Variants in ZNF804B observed in about 807,000 individuals in gnomAD.
ZNF804B encodes the protein zinc finger 804B.
ZNF804B carries 80 observed loss-of-function variants against 101.4 expected under a neutral mutation model. That is an observed-to-expected ratio of 0.79 (90% CI 0.66 to 0.95). The LOEUF is 0.95. ZNF804B is among the 40% of genes least tolerant of loss of function. The probability of loss-of-function intolerance (pLI) is 0.00; values close to 1 mark genes in which losing one functional copy is unlikely to be tolerated. For synonymous variants in ZNF804B, 622 were observed against 558.8 expected (o/e 1.11, Z -1.59); for missense variants, 1,673 against 1,561.9 (o/e 1.07, Z -1.20).
Position 89,230,500 on chromosome 7 carries a change from T to C in ZNF804B, c.249+12205T>C, listed in dbSNP as rs551524241. On this transcript the variant is annotated intron_variant, in intron 2 of 3. Transcript: ENST00000333190. The stretch of plus-strand genomic sequence containing the variant: ...AACTAAAGTTGGTGAGCTAACACGA[T>C]CCAGTTTCAAAAAGTACTATAAAAC... 1.2e-3 allele frequency among the ~76,000 whole-genome samples: 185 copies of C among 152,200 alleles called. 1 individual carries two copies. The highest frequency in any genetic ancestry group is 4.1e-3 in the African/African-American group (171 of 41,554).
intron 1 of ZNF804B, among the ~76,000 whole-genome samples, chr7:89,092,129 G>T (rs1283705727): frequency 6.6e-6 from 1 of 151,386 alleles, no homozygotes; most frequent in African/African-American, 2.4e-5. Context: ...TCTGGTGAGG[G>T]CCCTTTTCCT....
intron 1 of ZNF804B, among the ~76,000 whole-genome samples, chr7:89,168,769 T>C (rs529742177): frequency 1.3e-5 from 2 of 149,700 alleles, no homozygotes; most frequent in East Asian, 3.9e-4. Flanking sequence ...AAACATATCC[T>C]TATTCATCAA....
chr7:88,883,081 AT>A (rs1462464203), intron 1 of ZNF804B, among the ~76,000 whole-genome samples: 1 of 152,116 alleles, frequency 6.6e-6, no homozygotes, highest in Non-Finnish European at 1.5e-5. Context: ...GAAGAAAAAA[AT>A]TTTAAAAAAA....
Position 89,335,247 on chromosome 7 carries a change from G to T in ZNF804B, c.2265G>T (p.Arg755=). The T allele has an allele frequency of 6.2e-7, 1 of 1,613,784 alleles. No individual in the cohort carries two copies. The highest frequency in any genetic ancestry group is 8.5e-7 in the Non-Finnish European group (1 of 1,179,928). Residue 755 remains arginine, a synonymous_variant, in exon 4 of 4, where the codon CGG becomes CGT. Coordinates refer to ENST00000333190, the MANE Select transcript of ZNF804B (RefSeq NM_181646.5). ...ACCACTCAGTTGAAAGGCACAAACG[G>T]AAATGTCTAAAGCACAACTGCTTCT... The part of the protein sequence containing the change: ...REHHSVERHK[R]KCLKHNCFYL...
chr7:88,861,218 T>A (rs929522762), intron 1 of ZNF804B, among the ~76,000 whole-genome samples: 4 of 152,220 alleles, frequency 2.6e-5, no homozygotes, highest in African/African-American at 9.6e-5. Flanking sequence ...ATTTTTTAAA[T>A]GGGCTTATAA....
At chr7:88,865,693 A>G (rs1791716503) in intron 1 of ZNF804B, among the ~76,000 whole-genome samples, 1 of 152,108 alleles carries the variant, frequency 6.6e-6, no homozygotes, top group African/African-American at 2.4e-5. Context: ...TTGACACACC[A>G]TGGAGGGCCA....
intron 1 of ZNF804B, among the ~76,000 whole-genome samples, chr7:88,962,504 GA>G (rs1793399804): frequency 6.6e-6 from 1 of 150,662 alleles, no homozygotes; most frequent in African/African-American, 2.4e-5. Flanking sequence ...AGTTCCTAAC[GA>G]GGTGGCTGCG....
chr7:89,237,391 A>G (rs1789300457), intron 2 of ZNF804B, among the ~76,000 whole-genome samples: 1 of 152,156 alleles, frequency 6.6e-6, no homozygotes, highest in Admixed American at 6.5e-5. Flanking sequence ...CTTACTGAAT[A>G]CCTTCAGTTT....
At chr7:88,966,040 A>T (rs1793448666) in intron 1 of ZNF804B, among the ~76,000 whole-genome samples, 1 of 151,452 alleles carries the variant, frequency 6.6e-6, no homozygotes, top group Admixed American at 6.6e-5. Flanking sequence ...ATTCTATTAT[A>T]TATCTAATTC....
At chr7:89,006,809 A>G (rs1788374297) in intron 1 of ZNF804B, among the ~76,000 whole-genome samples, 1 of 152,096 alleles carries the variant, frequency 6.6e-6, no homozygotes, top group South Asian at 2.1e-4. Context: ...CTGCAAATGT[A>G]GATTAATTTT....
chr7:89,153,530 A>T (rs1790910513), intron 1 of ZNF804B, among the ~76,000 whole-genome samples: 1 of 151,626 alleles, frequency 6.6e-6, no homozygotes, highest in Non-Finnish European at 1.5e-5. Flanking sequence ...GCAAAAATGA[A>T]TTTCCGAAGC....
At chr7:88,990,425 C>G (rs1282667093) in intron 1 of ZNF804B, among the ~76,000 whole-genome samples, 13 of 152,070 alleles carry the variant, frequency 8.5e-5, no homozygotes. Flanking sequence ...ATATCCATCA[C>G]TGTTAAACTC....
intron 2 of ZNF804B, among the ~76,000 whole-genome samples, chr7:89,248,049 TAAAG>T (rs993467321): frequency 4.0e-5 from 6 of 151,182 alleles, no homozygotes; most frequent in African/African-American, 1.5e-4. Context: ...TAAACCAAAA[TAAAG>T]AAAAAAAAAG....
chr7:89,137,333 T>C (rs1790652802), intron 1 of ZNF804B, among the ~76,000 whole-genome samples: 1 of 152,030 alleles, frequency 6.6e-6, no homozygotes, highest in African/African-American at 2.4e-5. Flanking sequence ...TACATATCTC[T>C]GAAATTTGGA....
intron 1 of ZNF804B, among the ~76,000 whole-genome samples, chr7:89,141,603 T>A (rs1248508109): frequency 6.6e-6 from 1 of 152,006 alleles, no homozygotes; most frequent in Non-Finnish European, 1.5e-5. Flanking sequence ...GATTACATGG[T>A]AATTCTATGT....
intron 1 of ZNF804B, among the ~76,000 whole-genome samples, chr7:89,153,453 AATAAT>A (rs1790909202): frequency 6.7e-6 from 1 of 149,908 alleles, no homozygotes; most frequent in Non-Finnish European, 1.5e-5. Context: ...TAATAATAAT[AATAAT>A]AATAATTTTT....
chr7:88,824,847 T>C (rs1791031165), intron 1 of ZNF804B, among the ~76,000 whole-genome samples: 1 of 152,182 alleles, frequency 6.6e-6, no homozygotes, highest in Non-Finnish European at 1.5e-5. Context: ...GATCAAAGAC[T>C]TACAATCAGT....
chr7:88,961,386 G>T (rs958737524), intron 1 of ZNF804B, among the ~76,000 whole-genome samples: 2 of 151,276 alleles, frequency 1.3e-5, no homozygotes, highest in African/African-American at 4.8e-5. Flanking sequence ...AGCCTCATAG[G>T]TTGTGTAATT....
At chr7:89,272,270 A>G (rs1789910001) in intron 2 of ZNF804B, among the ~76,000 whole-genome samples, 1 of 152,150 alleles carries the variant, frequency 6.6e-6, no homozygotes, top group African/African-American at 2.4e-5. Context: ...CAAATGGTCA[A>G]TAAATATGTG....
Sources: allele counts gnomAD v4.1 joint callset (sites outside exome capture counted in the v4.1 genomes callset), GRCh38; gene constraint gnomAD v4.1.1; transcripts MANE v1.5; gene names NCBI Gene and HGNC (gene_info 2026-07-23, HGNC 2026-07-21).